ZNF512: variants seen among roughly 807,000 people sequenced by gnomAD.
ZNF512 encodes the protein zinc finger protein 512.
ZNF512 carries 25 observed loss-of-function variants against 77.5 expected under a neutral mutation model. The observed-to-expected ratio is 0.32, with a 90% confidence interval of 0.23 to 0.45. The LOEUF (loss-of-function observed/expected upper bound fraction) is 0.45. Among genes scored for constraint, ZNF512 ranks in the 20% least tolerant of loss-of-function variants. ZNF512 has a pLI of 1.00. For missense variants in ZNF512, 483 were observed against 692.6 expected (o/e 0.70, Z 3.40); for synonymous variants, 246 against 239.9 (o/e 1.03, Z -0.24).
intron 2 of ZNF512, among the ~76,000 whole-genome samples, chr2:27,594,168 T>C (rs1671729391): frequency 6.6e-6 from 1 of 150,714 alleles, no homozygotes; most frequent in Admixed American, 6.6e-5. Context: ...GAGGCGCTCC[T>C]CACATCCCAG....
intron 2 of ZNF512, among the ~76,000 whole-genome samples, chr2:27,597,481 A>T (rs1344312127): frequency 6.6e-6 from 1 of 152,214 alleles, no homozygotes; most frequent in African/African-American, 2.4e-5. Flanking sequence ...TAGATTTTGG[A>T]ATCTGGATTC....
intron 9 of ZNF512, among the ~76,000 whole-genome samples, chr2:27,607,216 G>A (rs1056510401): frequency 2.0e-5 from 3 of 152,048 alleles, no homozygotes; most frequent in African/African-American, 4.8e-5. Flanking sequence ...AGGATCACAC[G>A]CATTTTCTCC....
intron 8 of ZNF512, 30 bp downstream of exon 8, chr2:27,602,591 G>A: frequency 3.2e-6 from 5 of 1,577,216 alleles, no homozygotes; most frequent in Non-Finnish European, 4.3e-6. Flanking sequence ...AATTCCTTCT[G>A]CCTGAATTCT....
chr2:27,618,456 G>T (rs1672989285), intron 13 of ZNF512, among the ~76,000 whole-genome samples: 1 of 152,192 alleles, frequency 6.6e-6, no homozygotes, highest in Non-Finnish European at 1.5e-5. Context: ...TAATAGTATT[G>T]TGTCAGTGTT....
intron 13 of ZNF512, among the ~76,000 whole-genome samples, 160 bp downstream of exon 13, chr2:27,617,731 A>G (rs1159683702): frequency 6.6e-6 from 1 of 151,532 alleles, no homozygotes; most frequent in African/African-American, 2.4e-5. Flanking sequence ...ATATAATTGT[A>G]TTTTTCTGTG....
chr2:27,606,970 G>A (rs761756539), intron 9 of ZNF512, among the ~76,000 whole-genome samples: 3 of 152,054 alleles, frequency 2.0e-5, no homozygotes, highest in Non-Finnish European at 4.4e-5. Context: ...AAGGCCACCT[G>A]CATTCCCTGG....
chr2:27,602,278 T>A (rs1302895337), intron 7 of ZNF512, among the ~76,000 whole-genome samples, 185 bp from the exon 8 acceptor site: 1 of 152,232 alleles, frequency 6.6e-6, no homozygotes, highest in Admixed American at 6.5e-5. Context: ...TCAGAACTCT[T>A]ATTTCCATTA....
chr2:27,594,555 G>A (rs1166868364), intron 2 of ZNF512, among the ~76,000 whole-genome samples: 2 of 118,968 alleles, frequency 1.7e-5, no homozygotes, highest in African/African-American at 3.3e-5. Flanking sequence ...AGAGGCGCTG[G>A]TCACATCCCA....
At chr2:27,596,059 G>A (rs532876013) in intron 2 of ZNF512, among the ~76,000 whole-genome samples, 93 of 152,208 alleles carry the variant, frequency 6.1e-4, no homozygotes, top group African/African-American at 2.0e-3. Flanking sequence ...GTTTTAGCAG[G>A]CCACCCTGCT....
chr2:27,595,985 G>A (rs928772103), intron 2 of ZNF512, among the ~76,000 whole-genome samples: 6 of 152,248 alleles, frequency 3.9e-5, no homozygotes, highest in African/African-American at 1.2e-4. Context: ...CCTCATCATT[G>A]TGAATACTTT....
chr2:27,603,875 G>A (rs1287870311), intron 9 of ZNF512, among the ~76,000 whole-genome samples: 1 of 151,574 alleles, frequency 6.6e-6, no homozygotes, highest in Non-Finnish European at 1.5e-5. Context: ...TGGGATTATA[G>A]GTGCGAGCCA....
At chr2:27,600,619 A>C in intron 5 of ZNF512, 72 bp from the exon 6 acceptor site, 1 of 1,541,844 alleles carries the variant, frequency 6.5e-7, no homozygotes, top group East Asian at 2.3e-5. Flanking sequence ...ACTTTTCCTA[A>C]ATCGTGGGAT....
chr2:27,608,550 C>T (rs138197947), intron 10 of ZNF512, among the ~76,000 whole-genome samples: 14 of 152,126 alleles, frequency 9.2e-5, no homozygotes, highest in Admixed American at 5.2e-4. Flanking sequence ...TTCCCCTACA[C>T]GGCCCCAAGC....
rs191362103 is a variant in ZNF512, at chr2:27,613,541, C to T, written c.1132-1627C>T. 2.0e-5 allele frequency among the ~76,000 whole-genome samples: 3 copies of T among 151,758 alleles called. No homozygotes were observed. In the East Asian group the frequency reaches 5.8e-4, roughly 29 times the overall value. On this transcript the variant is annotated intron_variant, in intron 10 of 13. Transcript: ENST00000355467. ...ATATATATACAGTTGTCCCTCAGTA[C>T]ATGTGGGGCATTTGTTCCAGGACCT...
chr2:27,598,254 G>C lies in ZNF512; in HGVS notation c.277G>C (p.Gly93Arg). 6.2e-7 allele frequency: 1 copy of C among 1,610,936 alleles called. No homozygotes were observed. Among genetic ancestry groups the C allele is most frequent in the Non-Finnish European group, 8.5e-7 (1 of 1,178,624 alleles). The change falls in exon 3 of 14, where the codon GGG becomes CGG. Residue 93 changes from glycine to arginine, a missense_variant and splice_region_variant. Around this residue, in one of 2 missense-constraint regions of ZNF512, gnomAD observed 159 missense variants for 167.5 expected, o/e 0.95. Transcript: ENST00000355467. ...GCCAGCTGCTACTTCTCATGTCGAA[G>C]GTATCAATATCAGTGTCTTATTCTG... ...IKPAATSHVE[G>R]SGGVSAKGKR...
rs1672837759 is a variant in ZNF512 at position 27,615,245 on chromosome 2, T to C, written c.1209T>C (p.Tyr403=). Residue 403 remains tyrosine, a synonymous_variant, in exon 11 of 14, where the codon TAT becomes TAC. Transcript: ENST00000355467. The part of the protein sequence containing the change: ...LHKWKTDIKK[Y]HRIQCPNQGC... ...AATGGAAGACAGATATCAAGAAATA[T>C]CATCGTATTCAGTGTCCTAACCAGG... 1.2e-6 allele frequency: 2 copies of C among 1,603,794 alleles called. No homozygotes were observed. The highest frequency in any genetic ancestry group is 1.7e-6 in the Non-Finnish European group (2 of 1,175,180).
intron 2 of ZNF512, among the ~76,000 whole-genome samples, chr2:27,597,323 A>T (rs1671913886): frequency 6.6e-6 from 1 of 152,220 alleles, no homozygotes; most frequent in African/African-American, 2.4e-5. Flanking sequence ...TAGGCCTCAC[A>T]GGTATTTAGC....
In ZNF512 at chr2:27,615,974, A is replaced by T. The variant is rs541085261; in HGVS notation, c.1234-288A>T. The stretch of plus-strand genomic sequence containing the variant: ...ACTAAATAAAGCAGATTTTAAAAAA[A>T]ACTATATAATTTTCTGTGTTTCTCT... On this transcript the variant is annotated intron_variant, in intron 11 of 13. Transcript: ENST00000355467. 3.9e-5 allele frequency among the ~76,000 whole-genome samples: 6 copies of T among 152,358 alleles called. No individual in the cohort carries two copies. The South Asian group carries it at 1.2e-3, about 32-fold the overall frequency.
At chr2:27,592,353 C>T (rs1455569398) in intron 2 of ZNF512, among the ~76,000 whole-genome samples, 1 of 150,550 alleles carries the variant, frequency 6.6e-6, no homozygotes, top group East Asian at 2.0e-4. Flanking sequence ...GCTCTGTAGC[C>T]CAGGGCAGCT....
Sources: allele counts gnomAD v4.1 joint callset (sites outside exome capture counted in the v4.1 genomes callset), GRCh38; gene constraint gnomAD v4.1.1; regional missense constraint gnomAD v4.1.1; transcripts MANE v1.5; gene names NCBI Gene and HGNC (gene_info 2026-07-23, HGNC 2026-07-21).